RGL1: variants seen among roughly 807,000 people sequenced by gnomAD.
The protein encoded by RGL1 is ral guanine nucleotide dissociation stimulator-like 1.
A neutral mutation model predicts 95.2 loss-of-function variants in RGL1; 24 were observed. The observed-to-expected ratio is 0.25, with a 90% confidence interval of 0.18 to 0.35. RGL1 has a LOEUF of 0.35. RGL1 is among the 10% of genes least tolerant of loss of function. The pLI, the probability that RGL1 is intolerant of heterozygous loss-of-function variation, is 1.00. For synonymous variants in RGL1, 329 were observed against 344.9 expected, an observed-to-expected ratio of 0.95 and a Z score of 0.51; for missense variants, 715 against 936.3, an observed-to-expected ratio of 0.76 and a Z score of 3.08.
rs560150288 is a variant in RGL1, at chr1:183,694,086, C to T, written c.-32-48040C>T. Among the ~76,000 whole-genome samples, 6 of 152,328 alleles carry T rather than the reference C, an allele frequency of 3.9e-5. No homozygotes were observed. The East Asian group carries it at 1.2e-3, about 29-fold the overall frequency. ...TCTCATTTACTTGGCAACCTGATTTCTGATTTTCTGAATGGGTGTTGCTGT... is the reference window on the plus strand; with the variant it reads ...TCTCATTTACTTGGCAACCTGATTTTTGATTTTCTGAATGGGTGTTGCTGT... On this transcript the variant is annotated intron_variant, in intron 1 of 18. Transcript: ENST00000304685.
intron 1 of RGL1, among the ~76,000 whole-genome samples, chr1:183,741,501 A>C (rs1007819465): frequency 6.6e-5 from 10 of 152,222 alleles, no homozygotes; most frequent in African/African-American, 2.4e-4. Context: ...AGTGAATATC[A>C]AAGGGATCTT....
chr1:183,828,519 C>T (rs868452543), intron 2 of RGL1, among the ~76,000 whole-genome samples: 3 of 152,144 alleles, frequency 2.0e-5, no homozygotes, highest in Non-Finnish European at 4.4e-5. Context: ...CTGCTCCTTC[C>T]GTGAGGCTTT....
At chr1:183,867,460 A>C (rs1326093980) in intron 4 of RGL1, among the ~76,000 whole-genome samples, 1 of 151,598 alleles carries the variant, frequency 6.6e-6, no homozygotes, top group Non-Finnish European at 1.5e-5. Context: ...CTGAAAAGTG[A>C]CTCCTCCTTT....
At chr1:183,757,890 C>T (rs1048609630) in intron 2 of RGL1, among the ~76,000 whole-genome samples, 1 of 152,174 alleles carries the variant, frequency 6.6e-6, no homozygotes, top group African/African-American at 2.4e-5. Flanking sequence ...AAGCAAACTA[C>T]CAAAATTGTT....
chr1:183,854,546 A>G (rs1289826762), intron 3 of RGL1, among the ~76,000 whole-genome samples: 1 of 152,134 alleles, frequency 6.6e-6, no homozygotes, highest in East Asian at 1.9e-4. Context: ...AGAGGAGTTG[A>G]TCAGATATAA....
intron 8 of RGL1, 104 bp downstream of exon 8, chr1:183,888,681 T>C (rs1667256185): frequency 1.4e-6 from 1 of 719,134 alleles, no homozygotes; most frequent in Non-Finnish European, 2.5e-6. Flanking sequence ...GAGAAACATA[T>C]TTGAAATCCT....
In RGL1 at chr1:183,926,183, A is replaced by C. The variant is rs1228012077; in HGVS notation, c.2198A>C (p.Lys733Thr). 6.2e-7 allele frequency: 1 copy of C among 1,614,186 alleles called. No individual in the cohort carries two copies. Among genetic ancestry groups the C allele is most frequent in the Non-Finnish European group, 8.5e-7 (1 of 1,180,000 alleles). The change falls in exon 18 of 18, where the codon AAG (lysine) becomes ACG (threonine). Residue 733 changes from lysine (K) to threonine (T), a missense_variant. Physicochemically the swap from Lys to Thr is moderately conservative, Grantham distance 78. Coordinates refer to ENST00000360851, the MANE Select transcript of RGL1 (RefSeq NM_001297671.3). The part of the protein sequence containing the change: ...QVNFDFILRK[K>T]NSMEEQVKLR... ...AACTTTGACTTCATTTTGCGCAAAA[A>C]GAACTCCATGGAAGAACAAGTGAAA...
chr1:183,902,058 C>G (rs1668058083), intron 11 of RGL1, among the ~76,000 whole-genome samples: 1 of 152,196 alleles, frequency 6.6e-6, no homozygotes, highest in Non-Finnish European at 1.5e-5. Context: ...AAACACCCAT[C>G]AGTGTTGGGG....
intron 14 of RGL1, 144 bp from the exon 15 acceptor site, chr1:183,911,938 A>T: frequency 1.4e-6 from 1 of 690,398 alleles, no homozygotes; most frequent in East Asian, 2.7e-5. Flanking sequence ...TAGAAACTTT[A>T]TAGCGAATGT....
chr1:183,723,324 T>TA lies in RGL1; in HGVS notation c.-32-18795dup, dbSNP rs201461914. On this transcript the variant is annotated intron_variant, in intron 1 of 18. Transcript: ENST00000304685. ...CAAATTTAACAACTATCTACCCACA[T>TA]AAAAAAACACCTTCGTAAGGACTGA... 1.8e-3 allele frequency among the ~76,000 whole-genome samples: 273 copies of TA among 152,162 alleles called. 6 individuals are homozygous for TA. In the East Asian group the frequency reaches 0.042, roughly 23 times the overall value.
chr1:183,685,198 CAAG>C (rs886197718), intron 1 of RGL1, among the ~76,000 whole-genome samples: 25 of 151,952 alleles, frequency 1.6e-4, no homozygotes, highest in African/African-American at 6.0e-4. Context: ...TTCTTTAACT[CAAG>C]AACTTTAATT....
intron 14 of RGL1, among the ~76,000 whole-genome samples, chr1:183,908,256 G>A (rs1373787380): frequency 6.6e-6 from 1 of 152,112 alleles, no homozygotes; most frequent in Non-Finnish European, 1.5e-5. Context: ...TTGAGACACA[G>A]GCAGGGATGG....
intron 4 of RGL1, among the ~76,000 whole-genome samples, chr1:183,866,599 G>A (rs1480209437): frequency 2.6e-5 from 4 of 152,190 alleles, no homozygotes; most frequent in African/African-American, 7.2e-5. Flanking sequence ...TGGCCGGAGC[G>A]CGTGCTAGGG....
intron 9 of RGL1, among the ~76,000 whole-genome samples, chr1:183,893,014 C>G (rs1667507491): frequency 6.6e-6 from 1 of 152,194 alleles, no homozygotes; most frequent in Non-Finnish European, 1.5e-5. Flanking sequence ...TGGTGAGACT[C>G]TAAAACCTGT....
At chr1:183,647,547 T>A in intron 1 of RGL1, 1 of 1,379,772 alleles carries the variant, frequency 7.2e-7, no homozygotes, top group Non-Finnish European at 9.6e-7. Context: ...TGGTAAATAA[T>A]TCAAGGTTTG....
chr1:183,683,669 C>T (rs895904579), intron 1 of RGL1, among the ~76,000 whole-genome samples: 2 of 152,130 alleles, frequency 1.3e-5, no homozygotes, highest in African/African-American at 4.8e-5. Flanking sequence ...CGAGGAGTGT[C>T]TTTGTGGTGT....
At chr1:183,901,350 G>T (rs1025272015) in intron 11 of RGL1, among the ~76,000 whole-genome samples, 1 of 152,040 alleles carries the variant, frequency 6.6e-6, no homozygotes, top group Non-Finnish European at 1.5e-5. Flanking sequence ...AGCCGGTCAT[G>T]GTGGCAGGTG....
At chr1:183,720,957 G>C (rs544469496) in intron 1 of RGL1, among the ~76,000 whole-genome samples, 1 of 152,162 alleles carries the variant, frequency 6.6e-6, no homozygotes, top group Non-Finnish European at 1.5e-5. Context: ...GAGTATAACA[G>C]AGAACACTGG....
At chr1:183,744,412 G>C (rs1657496261) in intron 2 of RGL1, among the ~76,000 whole-genome samples, 1 of 150,726 alleles carries the variant, frequency 6.6e-6, no homozygotes, top group South Asian at 2.1e-4. Context: ...TGAGTGTTGT[G>C]CTGAGGGCAC....
Sources: gnomAD v4.1 joint callset for allele counts (sites outside exome capture counted in the v4.1 genomes callset) on GRCh38, gnomAD v4.1.1 for gene constraint, MANE v1.5 for transcripts, NCBI Gene and HGNC (gene_info 2026-07-23, HGNC 2026-07-21) for gene names.